Variants in SORBS2 observed in about 807,000 individuals in gnomAD.
SORBS2 encodes the protein sorbin and SH3 domain-containing protein 2.
In SORBS2, 46 loss-of-function variants were observed where a neutral mutation model predicts 97.7. That is an observed-to-expected ratio of 0.47 (90% CI 0.37 to 0.60). The LOEUF is 0.60. Ranked by LOEUF, SORBS2 falls within the 20% of genes least tolerant of loss-of-function variation. SORBS2 has a pLI of 0.00. For synonymous variants in SORBS2, 476 were observed against 473.4 expected (o/e 1.01, Z -0.07); for missense variants, 1,316 against 1,282.3 (o/e 1.03, Z -0.40).
chr4:185,622,345 C>T (rs2096731971), intron 7 of SORBS2, among the ~76,000 whole-genome samples: 1 of 152,114 alleles, frequency 6.6e-6, no homozygotes, highest in African/African-American at 2.4e-5. Flanking sequence ...CTTAAAGATA[C>T]ATTCACAAAA....
At position 185,635,685 on chromosome 4, in the gene SORBS2, C is replaced by T. The variant is rs567409648; in HGVS notation, c.397-5087G>A. ...ATTTTGTCAAATTTCATTAGCACTC[C>T]TAGTCTCTGGCCACAGAGGAATGCA... On this transcript the variant is annotated intron_variant, in intron 4 of 14. Coordinates refer to ENST00000418609, the Ensembl canonical transcript of SORBS2. Among the ~76,000 whole-genome samples, 9 of 152,190 alleles carry T rather than the reference C, an allele frequency of 5.9e-5. No homozygotes were observed. The South Asian group carries it at 1.9e-3, about 32-fold the overall frequency.
intron 1 of SORBS2, among the ~76,000 whole-genome samples, chr4:185,912,849 C>A (rs2099256067): frequency 6.6e-6 from 1 of 152,102 alleles, no homozygotes; most frequent in Non-Finnish European, 1.5e-5. Flanking sequence ...AACTGTTAGA[C>A]AACAAACAAT....
chr4:185,931,519 T>G (rs541834257), intron 1 of SORBS2, among the ~76,000 whole-genome samples: 2 of 152,036 alleles, frequency 1.3e-5, no homozygotes, highest in African/African-American at 4.8e-5. Flanking sequence ...AATTACTAAG[T>G]GGGAACATCA....
chr4:185,856,957 G>A (rs1405538819), intron 1 of SORBS2, among the ~76,000 whole-genome samples: 3 of 152,100 alleles, frequency 2.0e-5, no homozygotes, highest in African/African-American at 7.2e-5. Context: ...GAAAAGCTTG[G>A]GGGAAACTGC....
intron 1 of SORBS2, among the ~76,000 whole-genome samples, chr4:185,836,289 G>A (rs1041469915): frequency 2.6e-5 from 4 of 152,152 alleles, no homozygotes; most frequent in African/African-American, 7.2e-5. Context: ...CTGTCACACT[G>A]TCTCACTGTA....
At chr4:185,826,025 C>T (rs765380904) in intron 1 of SORBS2, among the ~76,000 whole-genome samples, 20 of 152,136 alleles carry the variant, frequency 1.3e-4, no homozygotes, top group Non-Finnish European at 2.2e-4. Flanking sequence ...CATTTAAAGT[C>T]CATGGCTTAC....
In SORBS2 at chr4:185,614,962, A is replaced by G; in HGVS notation, c.2467-3T>C. ...GCTTTCTCAGGAGGTGTGAGTTTCT[A>G]TGAAGGAAATAGTCATTTATTCTCA... On this transcript the variant is annotated splice_region_variant and splice_polypyrimidine_tract_variant and intron_variant, in intron 10 of 14. Transcript: ENST00000418609. The G allele has an allele frequency of 1.9e-6, 3 of 1,614,158 alleles. No individual in the cohort carries two copies. Among genetic ancestry groups the G allele is most frequent in the East Asian group, 2.2e-5 (1 of 44,884 alleles).
At chr4:185,632,092 T>C (rs2096917729) in intron 4 of SORBS2, among the ~76,000 whole-genome samples, 1 of 152,260 alleles carries the variant, frequency 6.6e-6, no homozygotes, top group African/African-American at 2.4e-5. Flanking sequence ...ACTATTTCTA[T>C]AACTCAGTTT....
Position 185,835,685 on chromosome 4 carries a change from G to A in SORBS2, c.-337-60319C>T, listed in dbSNP as rs575095347. 6.1e-4 allele frequency among the ~76,000 whole-genome samples: 79 copies of A among 129,254 alleles called. 2 individuals carry two copies. In the South Asian group the frequency reaches 0.016, roughly 27 times the overall value. 84.8% of individuals were successfully genotyped at this position (129,254 alleles called of 152,430 possible). A position where few individuals can be genotyped will look rare whatever the true frequency, so the allele number is the denominator to read the frequency against. ...TTTTTTTTTTTTTTGCACCAGCAGT[G>A]TTCAGCTATTGGGGACTAAGTATTA... is the stretch of plus-strand genomic sequence containing the variant. On this transcript the variant is annotated intron_variant, in intron 1 of 20. Coordinates refer to the SORBS2 transcript ENST00000284776.
chr4:185,677,481 G>GA (rs760509177), intron 4 of SORBS2: 12 of 1,551,756 alleles, frequency 7.7e-6, no homozygotes, highest in Non-Finnish European at 1.0e-5. Flanking sequence ...ATCTTCATTG[G>GA]AATACATAGT....
chr4:185,719,490 C>T (rs1439899349), intron 2 of SORBS2, among the ~76,000 whole-genome samples: 1 of 152,190 alleles, frequency 6.6e-6, no homozygotes, highest in Admixed American at 6.5e-5. Flanking sequence ...ATCCCTCAAC[C>T]TACTTTTTTA....
At chr4:185,850,485 C>T (rs1221746223) in intron 1 of SORBS2, among the ~76,000 whole-genome samples, 1 of 152,132 alleles carries the variant, frequency 6.6e-6, no homozygotes. Flanking sequence ...GCATCACTGG[C>T]CTTGGAAAAT....
chr4:185,677,673 AGTTG>A, intron 4 of SORBS2: 1 of 1,443,698 alleles, frequency 6.9e-7, no homozygotes, highest in Admixed American at 2.7e-5. Flanking sequence ...AAAGAAATAA[AGTTG>A]AAAGAAAAAC....
chr4:185,778,623 C>T (rs536236153), intron 1 of SORBS2, among the ~76,000 whole-genome samples: 80 of 152,166 alleles, frequency 5.3e-4, no homozygotes, highest in Non-Finnish European at 1.0e-3. Context: ...GGCCCCGCCC[C>T]TAGAGAGTCA....
At chr4:185,757,236 C>T (rs1307947823) in intron 2 of SORBS2, 1 of 282,708 alleles carries the variant, frequency 3.5e-6, no homozygotes, top group Non-Finnish European at 6.8e-6. Flanking sequence ...ATGTTGCAAG[C>T]CCCTCCAAGG....
chr4:185,680,769 C>T (rs73013651), intron 2 of SORBS2, among the ~76,000 whole-genome samples: 5,307 of 151,986 alleles, frequency 0.035, 336 homozygotes, highest in African/African-American at 0.12. Flanking sequence ...GTGTACTGGG[C>T]GGGTCTGAAG....
intron 4 of SORBS2, chr4:185,665,773 ACAG>A (rs2097586017): frequency 1.9e-6 from 2 of 1,065,246 alleles, no homozygotes; most frequent in African/African-American, 3.3e-5. Context: ...GCCATCTGTC[ACAG>A]CAGACCTCTG....
At chr4:185,593,719 T>C (rs1329818093) in intron 13 of SORBS2, 167 bp downstream of exon 25, 3 of 576,220 alleles carry the variant, frequency 5.2e-6, no homozygotes, top group Non-Finnish European at 9.4e-6. Flanking sequence ...TAGTTTCTGG[T>C]CACTGTCATA....
intron 1 of SORBS2, among the ~76,000 whole-genome samples, chr4:185,800,936 C>G (rs937953426): frequency 6.6e-6 from 1 of 152,188 alleles, no homozygotes; most frequent in African/African-American, 2.4e-5. Context: ...CCCTAGCAAG[C>G]TGCAAGTGTG....
Sources: allele counts gnomAD v4.1 joint callset (sites outside exome capture counted in the v4.1 genomes callset), GRCh38; gene constraint gnomAD v4.1.1; transcripts MANE v1.5; gene names NCBI Gene and HGNC (gene_info 2026-07-23, HGNC 2026-07-21).